The following RALGAPA1 variants were observed in gnomAD, a reference collection of about 807,000 sequenced individuals.
RALGAPA1 encodes Ral GTPase activating protein catalytic subunit alpha 1, also known as ral GTPase-activating protein subunit alpha-1.
RALGAPA1 carries 52 observed loss-of-function variants against 269.6 expected under a neutral mutation model. The ratio of observed to expected loss-of-function variants is 0.19; its 90% CI spans 0.15 to 0.24. The LOEUF (loss-of-function observed/expected upper bound fraction) is 0.24. Among genes scored for constraint, RALGAPA1 ranks in the 10% least tolerant of loss-of-function variants. The probability of loss-of-function intolerance (pLI) is 1.00; values close to 1 mark genes in which losing one functional copy is unlikely to be tolerated. For missense variants in RALGAPA1, 1,917 were observed against 3,013.9 expected, an observed-to-expected ratio of 0.64 and a Z score of 8.52; for synonymous variants, 817 against 1,008.3, an observed-to-expected ratio of 0.81 and a Z score of 3.60.
At chr14:35,605,062 T>C (rs967937861) in intron 36 of RALGAPA1, among the ~76,000 whole-genome samples, 2 of 152,156 alleles carry the variant, frequency 1.3e-5, no homozygotes, top group Admixed American at 6.5e-5. Context: ...CCTAAAAGTA[T>C]ACCCACTAGA....
intron 26 of RALGAPA1, among the ~76,000 whole-genome samples, chr14:35,670,510 T>C (rs1028945301): frequency 2.0e-5 from 3 of 152,244 alleles, no homozygotes; most frequent in African/African-American, 7.2e-5. Flanking sequence ...TTCAGCATTA[T>C]TGCCTTCCTC....
At chr14:35,727,310 C>CTATAT (rs1272821476) in intron 13 of RALGAPA1, among the ~76,000 whole-genome samples, 2 of 104,476 alleles carry the variant, frequency 1.9e-5, no homozygotes, top group African/African-American at 7.9e-5. Context: ...AAAATTATGG[C>CTATAT]ATATATATAT....
At chr14:35,799,912 C>A (rs898175511) in intron 1 of RALGAPA1, among the ~76,000 whole-genome samples, 1 of 152,158 alleles carries the variant, frequency 6.6e-6, no homozygotes, top group African/African-American at 2.4e-5. Context: ...ATATATCCTG[C>A]TAACACTAAT....
chr14:35,722,243 G>A (rs572483675), intron 15 of RALGAPA1, among the ~76,000 whole-genome samples: 2 of 152,206 alleles, frequency 1.3e-5, no homozygotes, highest in African/African-American at 2.4e-5. Context: ...AAAGTAGTTT[G>A]AGTACATAAT....
intron 4 of RALGAPA1, among the ~76,000 whole-genome samples, chr14:35,767,850 T>C (rs572531016): frequency 6.6e-6 from 1 of 152,294 alleles, no homozygotes; most frequent in Admixed American, 6.5e-5. Context: ...CTTGGCTTGC[T>C]GCAGTCTTGA....
intron 12 of RALGAPA1, among the ~76,000 whole-genome samples, chr14:35,729,963 CT>C (rs111480748): frequency 0.019 from 2,945 of 152,188 alleles, 79 homozygotes; most frequent in African/African-American, 0.063. Context: ...TCCAGAACAA[CT>C]GCAAGAACAA....
At chr14:35,697,950 T>C (rs2067029181) in intron 17 of RALGAPA1, among the ~76,000 whole-genome samples, 2 of 152,354 alleles carry the variant, frequency 1.3e-5, no homozygotes, top group South Asian at 2.1e-4. Context: ...AAACTGGCAG[T>C]AAAAGCATCT....
intron 8 of RALGAPA1, 50 bp downstream of exon 8, chr14:35,751,973 AT>A: frequency 2.6e-6 from 4 of 1,541,896 alleles, no homozygotes; most frequent in Non-Finnish European, 3.5e-6. Flanking sequence ...ACAGTAAGAG[AT>A]TATTTTACTC....
intron 12 of RALGAPA1, among the ~76,000 whole-genome samples, chr14:35,737,353 T>C (rs1009204138): frequency 3.3e-5 from 5 of 152,106 alleles, no homozygotes; most frequent in African/African-American, 4.8e-5. Context: ...TGGAGAACAA[T>C]TGGGCGATAA....
chr14:35,672,624 T>C (rs1207929189), intron 25 of RALGAPA1, among the ~76,000 whole-genome samples: 2 of 152,204 alleles, frequency 1.3e-5, no homozygotes, highest in African/African-American at 4.8e-5. Flanking sequence ...AGTGAACTGG[T>C]TGGTACAACA....
At chr14:35,724,983 A>G in intron 14 of RALGAPA1, 41 bp downstream of exon 14, 1 of 1,496,562 alleles carries the variant, frequency 6.7e-7, no homozygotes, top group Non-Finnish European at 9.0e-7. Context: ...AAAACAACCC[A>G]TATCTATCCA....
chr14:35,747,033 C>T (rs924135016), intron 10 of RALGAPA1, among the ~76,000 whole-genome samples: 2 of 151,548 alleles, frequency 1.3e-5, no homozygotes, highest in Admixed American at 6.6e-5. Flanking sequence ...AGGGATAGGG[C>T]CAGGCACAGT....
intron 33 of RALGAPA1, among the ~76,000 whole-genome samples, chr14:35,630,827 C>T (rs552077237): frequency 3.3e-5 from 5 of 151,990 alleles, no homozygotes; most frequent in South Asian, 2.1e-4. Flanking sequence ...ACTGAGATCG[C>T]GCCACTGCAC....
chr14:35,630,376 C>T (rs1594890797), intron 33 of RALGAPA1, among the ~76,000 whole-genome samples: 1 of 152,076 alleles, frequency 6.6e-6, no homozygotes, highest in East Asian at 1.9e-4. Context: ...CAGCCTCTGC[C>T]TCCCGAGTTC....
chr14:35,745,771 A>G (rs2072022169), intron 10 of RALGAPA1, among the ~76,000 whole-genome samples: 1 of 146,164 alleles, frequency 6.8e-6, no homozygotes, highest in Non-Finnish European at 1.5e-5. Flanking sequence ...CTCAAAAAAA[A>G]AAAAAAAAAA....
intron 19 of RALGAPA1, among the ~76,000 whole-genome samples, chr14:35,685,908 A>T (rs1184271490): frequency 6.6e-6 from 1 of 152,152 alleles, no homozygotes; most frequent in Non-Finnish European, 1.5e-5. Context: ...AACTAGTTCC[A>T]TATATATTTA....
At chr14:35,600,232 C>CTTTTCTTTTT (rs768432859) in intron 36 of RALGAPA1, among the ~76,000 whole-genome samples, 7 of 86,948 alleles carry the variant, frequency 8.1e-5, no homozygotes, top group African/African-American at 2.6e-4. Context: ...TTCTTTTTTT[C>CTTTTCTTTTT]TTTTTTTTTT....
Position 35,577,671 on chromosome 14 carries a change from AGAG to A in RALGAPA1, c.7210-4956_7210-4954del, listed in dbSNP as rs571229268. Among the ~76,000 whole-genome samples the A allele has an allele frequency of 8.1e-4, 123 of 152,360 alleles. 4 individuals carry two copies. The South Asian group carries it at 0.012, about 15-fold the overall frequency. ...CTCCATGATTACCAACAGGAATTCC[AGAG>A]TCAATTCTAGATTTCCTCAGTGCCA... is the stretch of plus-strand genomic sequence containing the variant. On this transcript the variant is annotated intron_variant, in intron 37 of 41. Transcript: ENST00000680220.
intron 29 of RALGAPA1, 31 bp from the exon 30 acceptor site, chr14:35,654,508 T>C (rs2063046952): frequency 6.4e-7 from 1 of 1,562,294 alleles, no homozygotes; most frequent in Admixed American, 2.1e-5. Context: ...TTTTAAAAAT[T>C]TTCATGATGA....
Sources: allele counts gnomAD v4.1 joint callset (sites outside exome capture counted in the v4.1 genomes callset), GRCh38; gene constraint gnomAD v4.1.1; transcripts MANE v1.5; gene names NCBI Gene and HGNC (gene_info 2026-07-23, HGNC 2026-07-21).